Variants in CDH13 observed in about 807,000 individuals in gnomAD.
The protein encoded by CDH13 is cadherin 13, also known as cadherin-13.
A neutral mutation model predicts 63.8 loss-of-function variants in CDH13; 24 were observed. The ratio of observed to expected loss-of-function variants is 0.38; its 90% confidence interval spans 0.27 to 0.53. The LOEUF is 0.53. Ranked by LOEUF, CDH13 falls within the 20% of genes least tolerant of loss-of-function variation. The probability of loss-of-function intolerance (pLI) is 0.85; values close to 1 mark genes in which losing one functional copy is unlikely to be tolerated. For synonymous variants in CDH13, 503 were observed against 355.3 expected, an observed-to-expected ratio of 1.42 and a Z score of -4.67; for missense variants, 1,049 against 903.1, an observed-to-expected ratio of 1.16 and a Z score of -2.07.
chr16:83,148,845 G>A (rs1457437322), intron 4 of CDH13, among the ~76,000 whole-genome samples: 1 of 151,694 alleles, frequency 6.6e-6, no homozygotes, highest in African/African-American at 2.4e-5. Flanking sequence ...CTTTTTTAAA[G>A]ACCGCTTTCA....
rs538896717 is a variant in CDH13, at chr16:83,704,586, A to G, written c.1538+26125A>G. On this transcript the variant is annotated intron_variant, in intron 10 of 13. Transcript: ENST00000567109. ...CACAGCCCCGCTGCCACAGGCTCCA[A>G]TGCCAGGGAAAGCTGTGTCTCCCCA... is the stretch of plus-strand genomic sequence containing the variant. Among the ~76,000 whole-genome samples, 11 of 152,322 alleles carry G rather than the reference A, an allele frequency of 7.2e-5. No homozygotes were observed. The South Asian group carries it at 2.1e-3, about 29-fold the overall frequency.
At chr16:83,097,979 G>C (rs1409579252) in intron 3 of CDH13, among the ~76,000 whole-genome samples, 2 of 152,130 alleles carry the variant, frequency 1.3e-5, no homozygotes, top group African/African-American at 2.4e-5. Flanking sequence ...ATAATGCCTA[G>C]TCAAGAAGCA....
intron 2 of CDH13, among the ~76,000 whole-genome samples, chr16:83,030,268 G>C (rs1265880528): frequency 6.6e-6 from 1 of 152,134 alleles, no homozygotes; most frequent in Non-Finnish European, 1.5e-5. Context: ...TTGGAACTGG[G>C]TCTCTTGGCC....
chr16:83,780,527 T>C (rs1051674400), intron 12 of CDH13, among the ~76,000 whole-genome samples: 4 of 152,208 alleles, frequency 2.6e-5, no homozygotes, highest in Non-Finnish European at 2.9e-5. Context: ...AAAATTTTCA[T>C]ATATTTAGGG....
At chr16:82,809,738 C>T (rs1249764996) in intron 1 of CDH13, among the ~76,000 whole-genome samples, 6 of 152,068 alleles carry the variant, frequency 3.9e-5, no homozygotes, top group Non-Finnish European at 1.5e-5. Context: ...GGAAATCTGA[C>T]AAGTATTATA....
At chr16:82,713,837 C>T (rs1331611750) in intron 1 of CDH13, among the ~76,000 whole-genome samples, 6 of 134,572 alleles carry the variant, frequency 4.5e-5, no homozygotes, top group African/African-American at 1.6e-4. Flanking sequence ...AAAAGGAAAA[C>T]AATAGTTTCC....
At chr16:82,747,040 A>G (rs969559855) in intron 1 of CDH13, among the ~76,000 whole-genome samples, 6 of 152,218 alleles carry the variant, frequency 3.9e-5, no homozygotes, top group African/African-American at 1.4e-4. Context: ...CTATTCAGGC[A>G]TTTTCTAAGA....
chr16:83,767,254 T>C (rs1471292800), intron 11 of CDH13, among the ~76,000 whole-genome samples: 1 of 151,998 alleles, frequency 6.6e-6, no homozygotes, highest in Non-Finnish European at 1.5e-5. Context: ...CACCCAAATC[T>C]CACCTTGAGT....
At chr16:83,490,641 C>T (rs2073993505) in intron 7 of CDH13, among the ~76,000 whole-genome samples, 1 of 152,128 alleles carries the variant, frequency 6.6e-6, no homozygotes, top group Non-Finnish European at 1.5e-5. Context: ...GTTTGGCTTG[C>T]CCATGACCTA....
intron 1 of CDH13, among the ~76,000 whole-genome samples, chr16:82,757,853 G>A (rs1023149071): frequency 3.3e-5 from 5 of 151,980 alleles, no homozygotes; most frequent in African/African-American, 1.2e-4. Context: ...GTTTCACCAC[G>A]TTACACAAGA....
chr16:83,453,005 A>G (rs2072924651), intron 6 of CDH13, among the ~76,000 whole-genome samples: 1 of 152,158 alleles, frequency 6.6e-6, no homozygotes, highest in African/African-American at 2.4e-5. Flanking sequence ...AAATCACTTA[A>G]TTTTTGAGCC....
At chr16:82,881,046 C>A (rs776335565) in intron 2 of CDH13, among the ~76,000 whole-genome samples, 4 of 152,270 alleles carry the variant, frequency 2.6e-5, no homozygotes, top group Non-Finnish European at 5.9e-5. Context: ...AAATGGAATG[C>A]GTGGATGCCA....
intron 7 of CDH13, among the ~76,000 whole-genome samples, chr16:83,490,048 C>CACAG (rs530046272): frequency 0.11 from 16,874 of 150,140 alleles, 1,094 homozygotes; most frequent in Middle Eastern, 0.21. Context: ...CACACACACA[C>CACAG]AGCTCACCAG....
chr16:83,379,169 T>C (rs963413181), intron 6 of CDH13, among the ~76,000 whole-genome samples: 1 of 152,204 alleles, frequency 6.6e-6, no homozygotes. Flanking sequence ...TTTTAAAATA[T>C]TCAAAATCTC....
At chr16:83,711,705 C>T (rs549561184) in intron 10 of CDH13, among the ~76,000 whole-genome samples, 9 of 152,132 alleles carry the variant, frequency 5.9e-5, no homozygotes, top group South Asian at 4.1e-4. Context: ...TTAGTAGAGA[C>T]GGGATTTCAC....
intron 8 of CDH13, among the ~76,000 whole-genome samples, chr16:83,630,434 ATCAG>A (rs1390984610): frequency 6.6e-6 from 1 of 152,184 alleles, no homozygotes; most frequent in Non-Finnish European, 1.5e-5. Context: ...CACATGAGAT[ATCAG>A]TCAATGTGTG....
At chr16:83,541,693 G>A (rs1047540656) in intron 7 of CDH13, among the ~76,000 whole-genome samples, 2 of 152,214 alleles carry the variant, frequency 1.3e-5, no homozygotes, top group African/African-American at 4.8e-5. Context: ...AAGACATTGA[G>A]CAAAGTGGAA....
chr16:83,463,740 G>A (rs2073238667), intron 6 of CDH13, among the ~76,000 whole-genome samples: 2 of 152,294 alleles, frequency 1.3e-5, no homozygotes, highest in Non-Finnish European at 2.9e-5. Context: ...AGGAGGTCAG[G>A]GCTGCAGTGA....
chr16:83,548,430 A>C (rs1000747337), intron 7 of CDH13, among the ~76,000 whole-genome samples: 1 of 152,158 alleles, frequency 6.6e-6, no homozygotes. Context: ...CCCTCCCCCA[A>C]CAGCAAAGCT....
Sources: gnomAD v4.1 joint callset for allele counts (sites outside exome capture counted in the v4.1 genomes callset) on GRCh38, gnomAD v4.1.1 for gene constraint, MANE v1.5 for transcripts, NCBI Gene and HGNC (gene_info 2026-07-23, HGNC 2026-07-21) for gene names.